MAPK4: variants seen among roughly 807,000 people sequenced by gnomAD.
MAPK4 encodes Erk3-related.
MAPK4 carries 22 observed loss-of-function variants against 47.7 expected under a neutral mutation model. That is an observed-to-expected ratio of 0.46 (90% CI 0.33 to 0.66). MAPK4 has a LOEUF of 0.66. Ranked by LOEUF, MAPK4 falls within the 30% of genes least tolerant of loss-of-function variation. The pLI, the probability that MAPK4 is intolerant of heterozygous loss-of-function variation, is 0.02. For synonymous variants in MAPK4, 390 were observed against 365.7 expected (o/e 1.07, Z -0.76); for missense variants, 736 against 831.7 (o/e 0.88, Z 1.42).
At chr18:50,703,747 G>C (rs965510163) in intron 2 of MAPK4, among the ~76,000 whole-genome samples, 1 of 152,186 alleles carries the variant, frequency 6.6e-6, no homozygotes, top group African/African-American at 2.4e-5. Context: ...TCCCCATCTA[G>C]AAGATTCTGA....
Position 50,714,934 on chromosome 18 carries a change from G to A in MAPK4, c.547-145G>A, listed in dbSNP as rs543532815. 5.2e-6 allele frequency: 4 copies of A among 776,438 alleles called. No individual in the cohort carries two copies. The Admixed American group carries it at 9.2e-5, about 18-fold the overall frequency. The allele number at this position is 776,438 out of a possible 1,614,324, so 48.1% of individuals were successfully genotyped here. ...TCTAACCAGACGTCTGTTCACTCAT[G>A]CTCCTTCAAGATCAATGGGAAAGGG... On this transcript the variant is annotated intron_variant, in intron 2 of 5. Transcript: ENST00000400384.
chr18:50,584,636 G>A (rs2042374029), intron 1 of MAPK4, among the ~76,000 whole-genome samples: 1 of 152,170 alleles, frequency 6.6e-6, no homozygotes, highest in South Asian at 2.1e-4. Flanking sequence ...ACAAACCCAG[G>A]TAATAATAAG....
At chr18:50,691,240 C>T (rs575391118) in intron 2 of MAPK4, among the ~76,000 whole-genome samples, 12 of 152,198 alleles carry the variant, frequency 7.9e-5, no homozygotes, top group East Asian at 3.9e-4. Flanking sequence ...GCAATCCGCC[C>T]GCCTTGGCCT....
chr18:50,601,335 A>C lies in MAPK4; in HGVS notation c.-871+41092A>C, dbSNP rs1191093184. Reference sequence around the variant, plus strand: ...GGTGAGAGAGCAAGACTCTATGTCAAAAAAAAAAAAAAAAAAAAAAAAAAG... The same window carrying C: ...GGTGAGAGAGCAAGACTCTATGTCACAAAAAAAAAAAAAAAAAAAAAAAAG... On this transcript the variant is annotated intron_variant, in intron 1 of 5. Coordinates refer to ENST00000400384, the MANE Select transcript of MAPK4 (RefSeq NM_002747.4). Among the ~76,000 whole-genome samples the C allele has an allele frequency of 3.9e-3, 12 of 3,090 alleles. No individual in the cohort carries two copies. The Admixed American group carries it at 0.14, about 35-fold the overall frequency. The allele number at this position is 3,090 out of a possible 152,430, so 2.0% of individuals were successfully genotyped here.
Position 50,663,786 on chromosome 18 carries a change from T to C in MAPK4, c.-173T>C. On this transcript the variant is annotated 5_prime_UTR_variant, in exon 2 of 6. Transcript: ENST00000400384. ...TAGCACAGCTCAGCGAGCATGACCA[T>C]ATGCCATTCTCGTCTCCAGAGAGCT... The C allele has an allele frequency of 3.4e-6, 2 of 596,090 alleles. No homozygotes were observed. Among genetic ancestry groups the C allele is most frequent in the East Asian group, 2.9e-5 (1 of 35,064 alleles). The allele number at this position is 596,090 out of a possible 1,614,324, so 36.9% of individuals were successfully genotyped here.
At chr18:50,653,814 T>A (rs1176072073) in intron 1 of MAPK4, among the ~76,000 whole-genome samples, 1 of 152,190 alleles carries the variant, frequency 6.6e-6, no homozygotes, top group African/African-American at 2.4e-5. Flanking sequence ...CAATAAAGGC[T>A]AGCGCAGTTG....
At chr18:50,612,650 TAAG>T (rs1225938338) in intron 1 of MAPK4, among the ~76,000 whole-genome samples, 2 of 152,196 alleles carry the variant, frequency 1.3e-5, no homozygotes, top group Non-Finnish European at 2.9e-5. Context: ...ATGCAAATTC[TAAG>T]AAGACAGGAT....
At position 50,655,642 on chromosome 18, in the gene MAPK4, G is replaced by A. The variant is rs375694728; in HGVS notation, c.-870-7447G>A. 1.1e-4 allele frequency among the ~76,000 whole-genome samples: 16 copies of A among 152,202 alleles called. 1 individual carries two copies. The South Asian group carries it at 1.5e-3, about 14-fold the overall frequency. ...CCTAATTCCTGGGGGTCCCCCTGCC[G>A]CCGCTGAGAGTGAGACCCGGCTGAG... is the stretch of plus-strand genomic sequence containing the variant. On this transcript the variant is annotated intron_variant, in intron 1 of 5. Transcript: ENST00000400384.
Position 50,726,007 on chromosome 18 carries a change from G to A in MAPK4, c.899G>A (p.Arg300His), listed in dbSNP as rs1196170573. 5 of 1,614,058 alleles carry A rather than the reference G, an allele frequency of 3.1e-6. No homozygotes were observed. The highest frequency in any genetic ancestry group is 2.2e-5 in the South Asian group (2 of 91,070). The change falls in exon 5 of 6, where the codon CGC becomes CAC. Residue 300 changes from arginine to histidine, a missense_variant. Around this residue, in one of 3 missense-constraint regions of MAPK4, gnomAD observed 32 missense variants for 57.7 expected, o/e 0.55. Transcript: ENST00000400384. ...ATCCTGACCTTTAACCCCATGGATC[G>A]CCTAACAGCTGAGATGGGGCTGCAA... ...EKILTFNPMDRLTAEMGLQHP... is the reference protein window; with the variant it reads ...EKILTFNPMDHLTAEMGLQHP...
rs568180287 is a variant in MAPK4 at position 50,610,752 on chromosome 18, G to A, written c.-871+50509G>A. Reference sequence around the variant, plus strand: ...ACTGAACAGATGGTGTGCAGGGAGCGAATGATACTCCCATTTACCCCCTCT... The same window carrying A: ...ACTGAACAGATGGTGTGCAGGGAGCAAATGATACTCCCATTTACCCCCTCT... On this transcript the variant is annotated intron_variant, in intron 1 of 5. Transcript: ENST00000400384. Among the ~76,000 whole-genome samples, 76 of 152,248 alleles carry A rather than the reference G, an allele frequency of 5.0e-4. 1 individual carries two copies. The highest frequency in any genetic ancestry group is 2.4e-4 in the African/African-American group (10 of 41,556).
chr18:50,615,218 G>T (rs979111542), intron 1 of MAPK4, among the ~76,000 whole-genome samples: 4 of 152,128 alleles, frequency 2.6e-5, no homozygotes, highest in Non-Finnish European at 5.9e-5. Flanking sequence ...GGAGATCCAG[G>T]GCTTCCTGAT....
chr18:50,727,634 C>G (rs1450117903), intron 5 of MAPK4, among the ~76,000 whole-genome samples: 1 of 152,140 alleles, frequency 6.6e-6, no homozygotes, highest in East Asian at 1.9e-4. Context: ...CCTATACTTT[C>G]TGCGACTGTG....
chr18:50,711,357 C>A (rs1910349463), intron 2 of MAPK4, among the ~76,000 whole-genome samples: 1 of 152,248 alleles, frequency 6.6e-6, no homozygotes, highest in Non-Finnish European at 1.5e-5. Flanking sequence ...GAAAGGAAAC[C>A]ATGTTCATCT....
chr18:50,666,739 C>T (rs939512296), intron 2 of MAPK4, among the ~76,000 whole-genome samples: 2 of 152,210 alleles, frequency 1.3e-5, no homozygotes, highest in Non-Finnish European at 1.5e-5. Context: ...TAGGTGCTCA[C>T]ATCATCCCTG....
At chr18:50,729,089 G>C (rs780445613) in intron 5 of MAPK4, 69 bp from the exon 6 acceptor site, 3 of 1,356,658 alleles carry the variant, frequency 2.2e-6, no homozygotes, top group Admixed American at 2.2e-5. Flanking sequence ...AGGGATTAGA[G>C]GGCTTGGCTC....
At chr18:50,642,265 G>A (rs1395428028) in intron 1 of MAPK4, among the ~76,000 whole-genome samples, 1 of 152,196 alleles carries the variant, frequency 6.6e-6, no homozygotes, top group Non-Finnish European at 1.5e-5. Context: ...TTGTATATTT[G>A]GGAAGAGGAA....
rs184699200 is a variant in MAPK4 at position 50,668,692 on chromosome 18, C to G, written c.546+4188C>G. ...TCACTCATCTCGCCAACTGCATGAC[C>G]TTGGGCAAGTCCTTTTGCTCATGTA... On this transcript the variant is annotated intron_variant, in intron 2 of 5. Coordinates refer to ENST00000400384, the MANE Select transcript of MAPK4 (RefSeq NM_002747.4). Among the ~76,000 whole-genome samples the G allele has an allele frequency of 3.7e-4, 57 of 152,306 alleles. No individual in the cohort carries two copies. In the East Asian group the frequency reaches 0.01, roughly 27 times the overall value.
At position 50,729,395 on chromosome 18, in the gene MAPK4, G is replaced by A. The variant is rs773557810; in HGVS notation, c.1305G>A (p.Pro435=). 1.6e-5 allele frequency: 25 copies of A among 1,563,008 alleles called. No individual in the cohort carries two copies. Among genetic ancestry groups the A allele is most frequent in the Non-Finnish European group, 1.8e-5 (21 of 1,157,168 alleles). ...CCTGCGACTACAAGGTGGGGTCGCCGTCCTACCTGGACAAGCTGCTGTGGC... is the reference window on the plus strand; with the variant it reads ...CCTGCGACTACAAGGTGGGGTCGCCATCCTACCTGGACAAGCTGCTGTGGC... ...GRSCDYKVGS[P]SYLDKLLWRD... is the part of the protein sequence containing the mutation. The change falls in exon 6 of 6, where the codon CCG becomes CCA. Residue 435 remains proline, a synonymous_variant. Coordinates refer to ENST00000400384, the MANE Select transcript of MAPK4 (RefSeq NM_002747.4).
At chr18:50,697,703 G>T (rs909747558) in intron 2 of MAPK4, among the ~76,000 whole-genome samples, 3 of 152,160 alleles carry the variant, frequency 2.0e-5, no homozygotes, top group Non-Finnish European at 4.4e-5. Context: ...CCACAGAGGG[G>T]AAGGTAGGAA....
Sources: allele counts gnomAD v4.1 joint callset (sites outside exome capture counted in the v4.1 genomes callset), GRCh38; gene constraint gnomAD v4.1.1; regional missense constraint gnomAD v4.1.1; transcripts MANE v1.5; gene names NCBI Gene and HGNC (gene_info 2026-07-23, HGNC 2026-07-21).